Variants in BMPR2 observed in about 807,000 individuals in gnomAD.
The protein encoded by BMPR2 is bone morphogenetic protein receptor type 2.
Under a neutral mutation model 100.8 loss-of-function variants are expected in BMPR2, and 29 were observed. That is an observed-to-expected ratio of 0.29 (90% CI 0.21 to 0.39). The LOEUF is 0.39. BMPR2 is among the 10% of genes least tolerant of loss of function. The probability of loss-of-function intolerance (pLI) is 1.00; values close to 1 mark genes in which losing one functional copy is unlikely to be tolerated. For synonymous variants in BMPR2, 382 were observed against 442.3 expected (o/e 0.86, Z 1.71); for missense variants, 1,011 against 1,274.5 (o/e 0.79, Z 3.15).
At chr2:202,433,765 G>T (rs1691553752) in intron 1 of BMPR2, among the ~76,000 whole-genome samples, 1 of 150,344 alleles carries the variant, frequency 6.7e-6, no homozygotes, top group Non-Finnish European at 1.5e-5. Context: ...AAAATTAGCT[G>T]GGTGTGGTGG....
At chr2:202,518,720 C>T in intron 5 of BMPR2, 102 bp from the exon 6 acceptor site, 1 of 966,576 alleles carries the variant, frequency 1.0e-6, no homozygotes. Flanking sequence ...CTGTAAGCAA[C>T]AGAGAGCTGT....
chr2:202,432,838 C>A lies in BMPR2; in HGVS notation c.77-31971C>A, dbSNP rs1039932356. Among the ~76,000 whole-genome samples, 6 of 150,376 alleles carry A rather than the reference C, an allele frequency of 4.0e-5. No individual in the cohort carries two copies. The East Asian group carries it at 1.2e-3, about 29-fold the overall frequency. On this transcript the variant is annotated intron_variant, in intron 1 of 12. Coordinates refer to ENST00000374580, the MANE Select transcript of BMPR2 (RefSeq NM_001204.7). ...GTTTTTACCTTAATTAAAAATAAAT[C>A]AAAGGCAGCAGAAATCTGTGTGTTT...
chr2:202,394,591 T>C (rs989483631), intron 1 of BMPR2, among the ~76,000 whole-genome samples: 6 of 152,154 alleles, frequency 3.9e-5, no homozygotes, highest in African/African-American at 1.4e-4. Context: ...ATATTTTTCC[T>C]GTTTTAGAGT....
At position 202,532,759 on chromosome 2, in the gene BMPR2, T is replaced by G. The variant is rs1674295575; in HGVS notation, c.1276+27T>G. 14 of 1,605,252 alleles carry G rather than the reference T, an allele frequency of 8.7e-6. No individual in the cohort carries two copies. Among genetic ancestry groups the G allele is most frequent in the African/African-American group, 1.3e-5 (1 of 74,786 alleles). On this transcript the variant is annotated intron_variant, in intron 9 of 12. Transcript: ENST00000374580. This position sits in a 1 kb window ranked among gnomAD's most constrained non-coding sequence, Gnocchi z 4.1. ...TAAAAACTACTGTCAAAAGTTGATA[T>G]TTTTTGAAGTGAAGCAGTTATATCT...
intron 3 of BMPR2, among the ~76,000 whole-genome samples, chr2:202,505,989 T>C (rs548310063): frequency 1.2e-4 from 19 of 152,288 alleles, no homozygotes; most frequent in African/African-American, 3.6e-4. Flanking sequence ...GTCAAAGTAG[T>C]GTGGACTGGG....
chr2:202,464,159 CAAAAAAA>C (rs71406983), intron 1 of BMPR2, among the ~76,000 whole-genome samples: 41 of 62,970 alleles, frequency 6.5e-4, no homozygotes, highest in African/African-American at 2.6e-3. Flanking sequence ...AACTCTGTCT[CAAAAAAA>C]AAAAAAAAAA....
chr2:202,511,996 G>T (rs1687634202), intron 3 of BMPR2, among the ~76,000 whole-genome samples: 1 of 151,148 alleles, frequency 6.6e-6, no homozygotes, highest in African/African-American at 2.4e-5. Context: ...GCTCCAGCCT[G>T]GGCGACAGAG....
In BMPR2 at chr2:202,542,313, G is replaced by A. The variant is rs1232575306; in HGVS notation, c.1279G>A (p.Glu427Lys). 1.2e-6 allele frequency: 2 copies of A among 1,613,774 alleles called. No individual in the cohort carries two copies. The highest frequency in any genetic ancestry group is 1.7e-5 in the Admixed American group (1 of 59,996). Reference protein sequence around the residue: ...FMRCTDLFPGESVPEYQMAFQ... With the variant: ...FMRCTDLFPGKSVPEYQMAFQ... ...CATTCTTTTCTACAAATCCACAGGG[G>A]AATCCGTACCAGAGTACCAGATGGC... Residue 427 changes from glutamate (E) to lysine (K), a missense_variant and splice_region_variant, in exon 10 of 13, where the codon GAA (glutamate) becomes AAA (lysine). Around this residue, in one of 6 missense-constraint regions of BMPR2, gnomAD observed 83 missense variants for 140.7 expected, o/e 0.59. Transcript: ENST00000374580.
chr2:202,457,453 T>A (rs1692135511), intron 1 of BMPR2, among the ~76,000 whole-genome samples: 1 of 151,068 alleles, frequency 6.6e-6, no homozygotes, highest in South Asian at 2.1e-4. Context: ...TGACTTTTTT[T>A]AGAATGAAAG....
At chr2:202,404,241 G>C (rs1690834901) in intron 1 of BMPR2, among the ~76,000 whole-genome samples, 1 of 150,144 alleles carries the variant, frequency 6.7e-6, no homozygotes, top group Non-Finnish European at 1.5e-5. Flanking sequence ...ACCCAGGCTG[G>C]AGTACAGTGG....
chr2:202,400,450 T>C (rs1690749216), intron 1 of BMPR2, among the ~76,000 whole-genome samples: 1 of 152,090 alleles, frequency 6.6e-6, no homozygotes, highest in South Asian at 2.1e-4. Context: ...ATGCCACCCT[T>C]AATGTAGTAT....
At chr2:202,423,474 G>A (rs551116292) in intron 1 of BMPR2, among the ~76,000 whole-genome samples, 4 of 152,350 alleles carry the variant, frequency 2.6e-5, no homozygotes, top group African/African-American at 9.6e-5. Context: ...TCATTGGCCA[G>A]GCACTGTGGC....
intron 3 of BMPR2, among the ~76,000 whole-genome samples, chr2:202,493,883 T>G (rs1160263374): frequency 6.6e-6 from 1 of 152,202 alleles, no homozygotes; most frequent in Non-Finnish European, 1.5e-5. Flanking sequence ...GGCTATTTTT[T>G]TTGTTGTTAT....
intron 1 of BMPR2, among the ~76,000 whole-genome samples, chr2:202,452,871 G>GATAGGGGATCCCGCCTCA: frequency 6.6e-6 from 1 of 152,310 alleles, no homozygotes; most frequent in Non-Finnish European, 1.5e-5. Flanking sequence ...GGAAGTATGT[G>GATAGGGGATCCCGCCTCA]ATAGGGGATC....
intron 1 of BMPR2, among the ~76,000 whole-genome samples, chr2:202,460,468 GAGA>G (rs1692204623): frequency 6.6e-6 from 1 of 152,118 alleles, no homozygotes; most frequent in South Asian, 2.1e-4. Flanking sequence ...TTTTTAAACA[GAGA>G]AGAAGAACAT....
intron 10 of BMPR2, among the ~76,000 whole-genome samples, chr2:202,549,601 T>C (rs970041805): frequency 1.3e-5 from 2 of 151,610 alleles, no homozygotes; most frequent in Admixed American, 6.6e-5. Flanking sequence ...ATACAAAAAT[T>C]AGCCGGGTGT....
rs544670366 is a variant in BMPR2 at position 202,484,948 on chromosome 2, G to A, written c.418+17259G>A. The stretch of plus-strand genomic sequence containing the variant: ...CGTGCCACTGCACTCCAGCCTGGGC[G>A]ACAGAGTGAGACTCCGTCTCAAAAA... On this transcript the variant is annotated intron_variant, in intron 3 of 12. Transcript: ENST00000374580. Among the ~76,000 whole-genome samples the A allele has an allele frequency of 6.6e-4, 85 of 128,792 alleles. 1 individual carries two copies. The highest frequency in any genetic ancestry group is 2.3e-3 in the African/African-American group (78 of 34,628). 84.5% of individuals were successfully genotyped at this position (128,792 alleles called of 152,430 possible).
intron 1 of BMPR2, among the ~76,000 whole-genome samples, chr2:202,413,752 C>T (rs1262846632): frequency 1.3e-5 from 2 of 151,926 alleles, no homozygotes; most frequent in Admixed American, 1.3e-4. Context: ...GCAACCTCCA[C>T]CTCCCGTGTT....
At chr2:202,507,638 C>T (rs1023943749) in intron 3 of BMPR2, among the ~76,000 whole-genome samples, 2 of 151,960 alleles carry the variant, frequency 1.3e-5, no homozygotes, top group Non-Finnish European at 2.9e-5. Context: ...GTTCTCCCAG[C>T]TTAGCCTCCC....
Sources: allele counts gnomAD v4.1 joint callset (sites outside exome capture counted in the v4.1 genomes callset), GRCh38; gene constraint gnomAD v4.1.1; regional missense constraint gnomAD v4.1.1; non-coding constraint Gnocchi (gnomAD v3.1); transcripts MANE v1.5; gene names NCBI Gene and HGNC (gene_info 2026-07-23, HGNC 2026-07-21).